The following VTCN1 variants were observed in gnomAD, a reference collection of about 807,000 sequenced individuals.
VTCN1 encodes the protein V-set domain containing T cell activation inhibitor 1, also known as V-set domain-containing T-cell activation inhibitor 1.
In VTCN1, 26 loss-of-function variants were observed where a neutral mutation model predicts 26.5. That is an observed-to-expected ratio of 0.98 (90% confidence interval 0.72 to 1.36). The LOEUF (loss-of-function observed/expected upper bound fraction) is 1.36, where lower values mean the gene tolerates loss of function less well. VTCN1 is among the 40% of genes most tolerant of loss of function. The probability of loss-of-function intolerance (pLI) is 0.00; values close to 1 mark genes in which losing one functional copy is unlikely to be tolerated. For missense variants in VTCN1, 298 were observed against 337.7 expected (o/e 0.88, Z 0.92); for synonymous variants, 116 against 130.7 (o/e 0.89, Z 0.77).
Position 117,161,253 on chromosome 1 carries a change from G to T in VTCN1, c.98-4332C>A, listed in dbSNP as rs1363735043. On this transcript the variant is annotated intron_variant, in intron 2 of 5. Coordinates refer to ENST00000369458, the MANE Select transcript of VTCN1 (RefSeq NM_024626.4). The surrounding 1 kb of genome is among the most constrained non-coding windows in gnomAD (Gnocchi z 4.3). ...ATCCAAGGCATCCCAGGCTAGCATG[G>T]GTTACACAATTACACTATGCGCCTT... Among the ~76,000 whole-genome samples, 2 of 152,142 alleles carry T rather than the reference G, an allele frequency of 1.3e-5. No homozygotes were observed. The highest frequency in any genetic ancestry group is 2.9e-5 in the Non-Finnish European group (2 of 68,034).
At chr1:117,172,648 C>G (rs866388995) in intron 1 of VTCN1, among the ~76,000 whole-genome samples, 3 of 152,128 alleles carry the variant, frequency 2.0e-5, no homozygotes, top group Admixed American at 6.5e-5. Flanking sequence ...TGTCCCCCCC[C>G]ACATTCACAT....
At chr1:117,210,786 C>T in intron 1 of VTCN1, 38 bp downstream of exon 1, 27 of 1,609,416 alleles carry the variant, frequency 1.7e-5, no homozygotes, top group Non-Finnish European at 2.0e-5. Flanking sequence ...ACTGCTGTTC[C>T]CTTCACCCAT....
chr1:117,162,895 G>A (rs1445601212), intron 2 of VTCN1, among the ~76,000 whole-genome samples: 6 of 152,290 alleles, frequency 3.9e-5, no homozygotes, highest in Admixed American at 2.6e-4. Flanking sequence ...AGCCCACAGC[G>A]CTGGATAAAA....
chr1:117,195,878 C>T (rs1212410537), intron 1 of VTCN1, among the ~76,000 whole-genome samples: 3 of 152,058 alleles, frequency 2.0e-5, no homozygotes, highest in Admixed American at 1.3e-4. Flanking sequence ...GGATTGGGTG[C>T]GGTGGCTCAC....
intron 1 of VTCN1, 123 bp downstream of exon 1, chr1:117,210,701 A>G: frequency 2.8e-6 from 3 of 1,074,162 alleles, no homozygotes; most frequent in African/African-American, 1.6e-5. Context: ...CGCTGGCCCA[A>G]TGCTGGATCA....
intron 2 of VTCN1, among the ~76,000 whole-genome samples, chr1:117,162,198 A>T (rs1346367015): frequency 6.6e-6 from 1 of 152,208 alleles, no homozygotes; most frequent in Non-Finnish European, 1.5e-5. Flanking sequence ...AGCCAGTGAG[A>T]ACTTAAAAAA....
rs530772871 is a variant in VTCN1, at chr1:117,188,101, A to C, written c.33-17930T>G. 7.2e-5 allele frequency among the ~76,000 whole-genome samples: 11 copies of C among 152,172 alleles called. No individual in the cohort carries two copies. The South Asian group carries it at 2.1e-3, about 29-fold the overall frequency. On this transcript the variant is annotated intron_variant, in intron 1 of 5. Coordinates refer to ENST00000369458, the MANE Select transcript of VTCN1 (RefSeq NM_024626.4). ...TCCTCCCCCTCTCTAACACACAAATACAAAGCTTAACTTGAAGAGCTTGTA... is the reference window on the plus strand; with the variant it reads ...TCCTCCCCCTCTCTAACACACAAATCCAAAGCTTAACTTGAAGAGCTTGTA...
chr1:117,200,104 T>A (rs1005700720), intron 1 of VTCN1, among the ~76,000 whole-genome samples: 65 of 152,176 alleles, frequency 4.3e-4, no homozygotes, highest in Non-Finnish European at 8.4e-4. Flanking sequence ...GAGTCATTTA[T>A]AAGGATAGAA....
chr1:117,202,134 C>T (rs1197395491), intron 1 of VTCN1, among the ~76,000 whole-genome samples: 1 of 152,220 alleles, frequency 6.6e-6, no homozygotes, highest in African/African-American at 2.4e-5. Flanking sequence ...CTGCCCACCA[C>T]TTTAAAGGAT....
In VTCN1 at chr1:117,147,471, C is replaced by A. The variant is rs1651567761; in HGVS notation, c.*45+142G>T. ...CTGACCTAACAAATGATTACCTTTCCCAGTACTAGTGGAAATAATGTCACA... is the reference window on the plus strand; with the variant it reads ...CTGACCTAACAAATGATTACCTTTCACAGTACTAGTGGAAATAATGTCACA... On this transcript the variant is annotated intron_variant, in intron 5 of 5. Coordinates refer to ENST00000369458, the MANE Select transcript of VTCN1 (RefSeq NM_024626.4). The surrounding 1 kb of genome is among the most constrained non-coding windows in gnomAD (Gnocchi z 4.6). 6.3e-6 allele frequency: 4 copies of A among 633,112 alleles called. No individual in the cohort carries two copies. The highest frequency in any genetic ancestry group is 1.9e-5 in the African/African-American group (1 of 53,360). The allele number at this position is 633,112 out of a possible 1,614,324, so 39.2% of individuals were successfully genotyped here. A position where few individuals can be genotyped will look rare whatever the true frequency, so the allele number is the denominator to read the frequency against.
intron 1 of VTCN1, among the ~76,000 whole-genome samples, chr1:117,207,486 C>T (rs1649120635): frequency 6.6e-6 from 1 of 152,012 alleles, no homozygotes; most frequent in Admixed American, 6.5e-5. Context: ...TGGTGTTCTT[C>T]AGCCATCCGT....
intron 2 of VTCN1, among the ~76,000 whole-genome samples, chr1:117,158,800 G>A (rs534505498): frequency 2.0e-5 from 3 of 152,170 alleles, no homozygotes; most frequent in Middle Eastern, 3.4e-3. Flanking sequence ...TAACAGCACC[G>A]AAGTTACCTC....
chr1:117,173,138 C>T (rs557029721), intron 1 of VTCN1: 51 of 713,906 alleles, frequency 7.1e-5, no homozygotes, highest in Middle Eastern at 3.1e-4. Flanking sequence ...CAAACAACTC[C>T]GGAACAAACA....
chr1:117,154,737 C>T (rs552542396), intron 3 of VTCN1, among the ~76,000 whole-genome samples: 15 of 136,666 alleles, frequency 1.1e-4, no homozygotes, highest in Non-Finnish European at 2.0e-4. Context: ...GAGCCGAGAT[C>T]GTGCTGTTGT....
chr1:117,210,320 T>C (rs1024081008), intron 1 of VTCN1, among the ~76,000 whole-genome samples: 2 of 152,070 alleles, frequency 1.3e-5, no homozygotes, highest in African/African-American at 4.8e-5. Flanking sequence ...GGAGGGGTGT[T>C]GGTGTGAATT....
At chr1:117,176,822 A>G (rs115178076) in intron 1 of VTCN1, among the ~76,000 whole-genome samples, 5,857 of 152,218 alleles carry the variant, frequency 0.038, 164 homozygotes, top group South Asian at 0.083. Context: ...ATTAAGGCTG[A>G]GTGTGGTGGC....
At chr1:117,204,613 TC>T in intron 1 of VTCN1, among the ~76,000 whole-genome samples, 1 of 152,170 alleles carries the variant, frequency 6.6e-6, no homozygotes, top group Middle Eastern at 3.4e-3. Flanking sequence ...ACGCCTGTAA[TC>T]CCAGCACTTT....
chr1:117,168,404 A>G (rs1230303841), intron 2 of VTCN1, among the ~76,000 whole-genome samples: 1 of 152,214 alleles, frequency 6.6e-6, no homozygotes, highest in Admixed American at 6.5e-5. Context: ...TACATATAAA[A>G]TTAACTTGAG....
At position 117,208,383 on chromosome 1, in the gene VTCN1, A is replaced by G. The variant is rs144676109; in HGVS notation, c.32+2441T>C. 4.4e-3 allele frequency among the ~76,000 whole-genome samples: 664 copies of G among 152,214 alleles called. 7 individuals are homozygous for G. The highest frequency in any genetic ancestry group is 0.015 in the African/African-American group (637 of 41,526). On this transcript the variant is annotated intron_variant, in intron 1 of 5. Coordinates refer to ENST00000369458, the MANE Select transcript of VTCN1 (RefSeq NM_024626.4). ...TTCTCTGGCTCAGAAACCCTCCCCA[A>G]AAGCCTTGGGTGAGGGAAGTGCTCC... is the stretch of plus-strand genomic sequence containing the variant.
Sources: gnomAD v4.1 joint callset for allele counts (sites outside exome capture counted in the v4.1 genomes callset) on GRCh38, gnomAD v4.1.1 for gene constraint, Gnocchi (gnomAD v3.1) non-coding constraint, MANE v1.5 for transcripts, NCBI Gene and HGNC (gene_info 2026-07-23, HGNC 2026-07-21) for gene names.